Variants in PRICKLE2 observed in about 807,000 individuals in gnomAD.
PRICKLE2 encodes the protein prickle-like protein 2.
PRICKLE2 carries 21 observed loss-of-function variants against 81.4 expected under a neutral mutation model. The ratio of observed to expected loss-of-function variants is 0.26; its 90% confidence interval spans 0.18 to 0.37. The LOEUF is 0.37. PRICKLE2 is among the 10% of genes least tolerant of loss of function. The pLI, the probability that PRICKLE2 is intolerant of heterozygous loss-of-function variation, is 1.00. For missense variants in PRICKLE2, 940 were observed against 1,109.0 expected, an observed-to-expected ratio of 0.85 and a Z score of 2.16; for synonymous variants, 456 against 421.5, an observed-to-expected ratio of 1.08 and a Z score of -1.00.
chr3:64,255,868 G>A (rs2079517615), intron 2 of PRICKLE2, among the ~76,000 whole-genome samples: 1 of 152,210 alleles, frequency 6.6e-6, no homozygotes, highest in African/African-American at 2.4e-5. Context: ...GAAAGTATCT[G>A]TATACTGCTT....
chr3:64,099,787 C>T lies in PRICKLE2; in HGVS notation c.1799G>A (p.Arg600Gln), dbSNP rs760504370. Residue 600 changes from arginine to glutamine, a missense_variant, in exon 8 of 8, where the codon CGG becomes CAG. By Grantham distance (43) the Arg-to-Gln change is conservative (BLOSUM62 1). Transcript: ENST00000638394. The surrounding 1 kb of genome is among the most constrained non-coding windows in gnomAD (Gnocchi z 4.3). ...CAGGCTGCGAACTGACTCTGCGCTC[C>T]GGAACTGCATGGACGAGTTAAGAGT... Reference protein sequence around the residue: ...MGTLNSSMQFRSAESVRSLLS... With the variant: ...MGTLNSSMQFQSAESVRSLLS... 7 of 1,614,086 alleles carry T rather than the reference C, an allele frequency of 4.3e-6. No homozygotes were observed. The East Asian group carries it at 1.6e-4, about 36-fold the overall frequency.
chr3:64,203,884 AC>A (rs201203674), intron 1 of PRICKLE2, among the ~76,000 whole-genome samples: 1,531 of 151,658 alleles, frequency 0.01, 28 homozygotes, highest in African/African-American at 0.035. Flanking sequence ...AGGTGGAGGC[AC>A]GAGAACCGCT....
intron 1 of PRICKLE2, among the ~76,000 whole-genome samples, chr3:64,202,645 C>T (rs62251778): frequency 1.9e-4 from 29 of 149,432 alleles, no homozygotes; most frequent in African/African-American, 4.4e-4. Context: ...TACTTGTGTG[C>T]GTGTGTGTGT....
chr3:64,201,490 G>A (rs1012995245), intron 1 of PRICKLE2, among the ~76,000 whole-genome samples: 4 of 152,184 alleles, frequency 2.6e-5, no homozygotes, highest in Admixed American at 1.3e-4. Context: ...TTTCCCTAAC[G>A]TCTAATGATG....
At chr3:64,196,978 C>T (rs932974790) in intron 2 of PRICKLE2, among the ~76,000 whole-genome samples, 3 of 152,110 alleles carry the variant, frequency 2.0e-5, no homozygotes, top group Non-Finnish European at 2.9e-5. Flanking sequence ...TAAAACAATA[C>T]CTTGCTGGCT....
chr3:64,239,244 G>C (rs1188156979), intron 2 of PRICKLE2, among the ~76,000 whole-genome samples: 2 of 152,188 alleles, frequency 1.3e-5, no homozygotes, highest in East Asian at 3.9e-4. Flanking sequence ...CCCTGCTGGG[G>C]GGCGGGGGGC....
chr3:64,264,964 AG>A (rs1402414704), intron 2 of PRICKLE2, among the ~76,000 whole-genome samples: 1 of 152,166 alleles, frequency 6.6e-6, no homozygotes, highest in Admixed American at 6.5e-5. Flanking sequence ...CTAATCTTGC[AG>A]GGAGATCATT....
chr3:64,098,358 G>C lies in PRICKLE2; in HGVS notation c.*693C>G, dbSNP rs1170434345. ...GACTTAAGGATGGCTCCTTAAGATG[G>C]AACGGAGCATAAAATGCTTTGGGTC... On this transcript the variant is annotated 3_prime_UTR_variant, in exon 8 of 8. Transcript: ENST00000638394. 1 of 151,958 alleles carries C rather than the reference G, an allele frequency of 6.6e-6. No individual in the cohort carries two copies. The highest frequency in any genetic ancestry group is 6.6e-5 in the Admixed American group (1 of 15,170). 9.4% of individuals were successfully genotyped at this position (151,958 alleles called of 1,614,324 possible).
chr3:64,178,440 C>CT (rs2107075232), intron 2 of PRICKLE2, among the ~76,000 whole-genome samples: 1 of 152,268 alleles, frequency 6.6e-6, no homozygotes, highest in East Asian at 1.9e-4. Context: ...CAGTGAAAAG[C>CT]TTTTTTCCTG....
Position 64,172,922 on chromosome 3 carries a change from C to T in PRICKLE2, c.145-9793G>A, listed in dbSNP as rs2077957753. ...AAAGCCTCACCAGAAATCAACCCTGCTGACATCTTGATCTTGAGCTTTTGG... is the reference window on the plus strand; with the variant it reads ...AAAGCCTCACCAGAAATCAACCCTGTTGACATCTTGATCTTGAGCTTTTGG... On this transcript the variant is annotated intron_variant, in intron 2 of 7. Coordinates refer to ENST00000638394, the MANE Select transcript of PRICKLE2 (RefSeq NM_198859.4). Among the ~76,000 whole-genome samples the T allele has an allele frequency of 1.3e-5, 2 of 152,196 alleles. 1 individual carries two copies. Among genetic ancestry groups the T allele is most frequent in the South Asian group, 4.1e-4 (2 of 4,830 alleles).
At chr3:64,205,734 C>A (rs1398608142) in intron 1 of PRICKLE2, among the ~76,000 whole-genome samples, 2 of 152,006 alleles carry the variant, frequency 1.3e-5, no homozygotes, top group African/African-American at 2.4e-5. Flanking sequence ...TTCTTTTATT[C>A]CCCCCCGCTT....
chr3:64,149,773 A>G (rs1248392822), intron 6 of PRICKLE2, among the ~76,000 whole-genome samples: 1 of 152,176 alleles, frequency 6.6e-6, no homozygotes, highest in Non-Finnish European at 1.5e-5. Flanking sequence ...TTTTGTGTCA[A>G]TGGAGCCCAG....
At chr3:64,229,144 A>C (rs2079068092), upstream of PRICKLE2, among the ~76,000 whole-genome samples, 2 of 152,202 alleles carry the variant, frequency 1.3e-5, no homozygotes, top group African/African-American at 4.8e-5. Flanking sequence ...ATGAACACAA[A>C]TGCATAATTA....
In PRICKLE2 at chr3:64,241,560, C is replaced by G. The variant is rs1204709199; in HGVS notation, c.129-42593G>C. Among the ~76,000 whole-genome samples the G allele has an allele frequency of 2.6e-5, 4 of 152,356 alleles. No homozygotes were observed. The East Asian group carries it at 5.8e-4, about 22-fold the overall frequency. ...TTTTATACTATATGAATCCCCACCC[C>G]CTCATCTCAATTGTCTCTAAAGTGC... is the stretch of plus-strand genomic sequence containing the variant. On this transcript the variant is annotated intron_variant, in intron 2 of 8. Coordinates refer to the PRICKLE2 transcript ENST00000295902.
At chr3:64,209,052 CCTGT>C (rs2078741232) in intron 1 of PRICKLE2, among the ~76,000 whole-genome samples, 1 of 152,082 alleles carries the variant, frequency 6.6e-6, no homozygotes, top group Middle Eastern at 3.4e-3. Flanking sequence ...CATCCATCCA[CCTGT>C]CTATCCATTC....
At chr3:64,197,162 G>A (rs1050535623) in intron 2 of PRICKLE2, among the ~76,000 whole-genome samples, 6 of 152,112 alleles carry the variant, frequency 3.9e-5, no homozygotes, top group African/African-American at 1.4e-4. Flanking sequence ...GTCTGTCATT[G>A]ATGGGCATTT....
intron 4 of PRICKLE2, among the ~76,000 whole-genome samples, chr3:64,158,592 C>T (rs555933720): frequency 7.2e-5 from 11 of 152,284 alleles, no homozygotes; most frequent in Admixed American, 5.9e-4. Context: ...TTGGCACCTG[C>T]CCACAAAATG....
intron 7 of PRICKLE2, among the ~76,000 whole-genome samples, chr3:64,143,159 GAATTAA>G (rs1022225822): frequency 6.6e-6 from 1 of 152,080 alleles, no homozygotes; most frequent in Non-Finnish European, 1.5e-5. Context: ...AAATTTAAAA[GAATTAA>G]AATTAAATAA....
chr3:64,214,805 A>T (rs2078846281), intron 1 of PRICKLE2, among the ~76,000 whole-genome samples: 1 of 152,260 alleles, frequency 6.6e-6, no homozygotes, highest in East Asian at 1.9e-4. Flanking sequence ...ACTGCGTCCC[A>T]AGCCTGCTAG....
Sources: gnomAD v4.1 joint callset for allele counts (sites outside exome capture counted in the v4.1 genomes callset) on GRCh38, gnomAD v4.1.1 for gene constraint, Gnocchi (gnomAD v3.1) non-coding constraint, MANE v1.5 for transcripts, NCBI Gene and HGNC (gene_info 2026-07-23, HGNC 2026-07-21) for gene names.